Variants in EYA4 observed in about 807,000 individuals in gnomAD.
EYA4 encodes the protein EYA transcriptional coactivator and phosphatase 4.
Under a neutral mutation model 87.9 loss-of-function variants are expected in EYA4, and 31 were observed. That is an observed-to-expected ratio of 0.35 (90% confidence interval 0.27 to 0.48). The LOEUF is 0.48. Ranked by LOEUF, EYA4 falls within the 20% of genes least tolerant of loss-of-function variation. EYA4 has a pLI of 0.99. For synonymous variants in EYA4, 263 were observed against 270.6 expected, an observed-to-expected ratio of 0.97 and a Z score of 0.28; for missense variants, 678 against 761.4, an observed-to-expected ratio of 0.89 and a Z score of 1.29.
chr6:133,481,672 G>A (rs1227767415), intron 12 of EYA4, 73 bp downstream of exon 12: 1 of 1,507,010 alleles, frequency 6.6e-7, no homozygotes, highest in Non-Finnish European at 9.2e-7. Flanking sequence ...CTATCTTACA[G>A]TTCCATTATG....
intron 2 of EYA4, among the ~76,000 whole-genome samples, chr6:133,289,360 G>A (rs763688725): frequency 6.6e-6 from 1 of 152,150 alleles, no homozygotes; most frequent in African/African-American, 2.4e-5. Context: ...GGCTTAAGTA[G>A]TATAAAGAAG....
intron 3 of EYA4, among the ~76,000 whole-genome samples, chr6:133,395,576 A>G (rs773468432): frequency 5.9e-5 from 9 of 152,198 alleles, no homozygotes; most frequent in African/African-American, 9.7e-5. Flanking sequence ...CCTGGCCAAC[A>G]TGGTGAAACC....
intron 11 of EYA4, among the ~76,000 whole-genome samples, chr6:133,476,855 C>A (rs918857486): frequency 6.6e-6 from 1 of 151,978 alleles, no homozygotes; most frequent in African/African-American, 2.4e-5. Flanking sequence ...TTGGTGGTGT[C>A]CCCATCCAAA....
At chr6:133,516,479 G>A (rs557318634) in intron 17 of EYA4, among the ~76,000 whole-genome samples, 3 of 151,858 alleles carry the variant, frequency 2.0e-5, no homozygotes, top group East Asian at 1.9e-4. Context: ...TTGGGAGGCC[G>A]AGGCAGGTGG....
intron 10 of EYA4, 102 bp from the exon 11 acceptor site, chr6:133,468,464 G>A: frequency 2.1e-6 from 2 of 943,426 alleles, no homozygotes; most frequent in South Asian, 1.3e-5. Flanking sequence ...AACAAATGGG[G>A]CTGAGTACTA....
chr6:133,388,332 G>A (rs1216180460), intron 3 of EYA4, among the ~76,000 whole-genome samples: 1 of 151,716 alleles, frequency 6.6e-6, no homozygotes, highest in African/African-American at 2.4e-5. Flanking sequence ...GCTTGAACCT[G>A]GGGGGCGGAG....
At chr6:133,276,142 C>G (rs1777146024) in intron 2 of EYA4, among the ~76,000 whole-genome samples, 1 of 152,164 alleles carries the variant, frequency 6.6e-6, no homozygotes, top group Non-Finnish European at 1.5e-5. Flanking sequence ...TTGACAACAT[C>G]TTAGTGGTGA....
chr6:133,460,669 T>G (rs1031921240), intron 6 of EYA4, among the ~76,000 whole-genome samples: 1 of 152,092 alleles, frequency 6.6e-6, no homozygotes, highest in African/African-American at 2.4e-5. Context: ...GTTTGGAACA[T>G]CACAGTCTTA....
chr6:133,439,381 C>T (rs1401156576), intron 3 of EYA4: 1 of 152,186 alleles, frequency 6.6e-6, no homozygotes, highest in African/African-American at 2.4e-5. Context: ...CACCATTTCA[C>T]TCATTCATTT....
At chr6:133,428,635 C>T (rs1790886634) in intron 3 of EYA4, among the ~76,000 whole-genome samples, 1 of 152,166 alleles carries the variant, frequency 6.6e-6, no homozygotes, top group Non-Finnish European at 1.5e-5. Flanking sequence ...CCATCCACGG[C>T]TGTGAATTTG....
At chr6:133,371,442 G>A (rs1046699218) in intron 2 of EYA4, among the ~76,000 whole-genome samples, 3 of 152,020 alleles carry the variant, frequency 2.0e-5, no homozygotes, top group African/African-American at 4.8e-5. Flanking sequence ...ACCTTATTTT[G>A]CGTTTTGTTT....
intron 17 of EYA4, among the ~76,000 whole-genome samples, chr6:133,519,480 A>G (rs1212037666): frequency 6.6e-6 from 1 of 151,204 alleles, no homozygotes; most frequent in Non-Finnish European, 1.5e-5. Flanking sequence ...CAATAACAGG[A>G]TCTGAAATTG....
intron 2 of EYA4, among the ~76,000 whole-genome samples, chr6:133,357,359 A>T (rs1042214686): frequency 1.3e-5 from 2 of 152,018 alleles, no homozygotes; most frequent in Non-Finnish European, 2.9e-5. Flanking sequence ...TTTCCTAGCA[A>T]AGAAAAGGGG....
chr6:133,461,224 T>TA, intron 7 of EYA4, 44 bp downstream of exon 7: 2 of 1,264,548 alleles, frequency 1.6e-6, no homozygotes, highest in Non-Finnish European at 2.3e-6. Context: ...CAAACATTTA[T>TA]GTCTATACAT....
chr6:133,283,255 C>T (rs1777771411), intron 2 of EYA4, among the ~76,000 whole-genome samples: 1 of 151,928 alleles, frequency 6.6e-6, no homozygotes, highest in Admixed American at 6.6e-5. Context: ...GATTGTGCCA[C>T]TGTGCTCCAC....
chr6:133,518,887 T>C (rs909988769), intron 17 of EYA4, among the ~76,000 whole-genome samples: 1 of 151,820 alleles, frequency 6.6e-6, no homozygotes, highest in Admixed American at 6.6e-5. Flanking sequence ...AACCTGCTCC[T>C]GAATGACTAC....
chr6:133,307,308 A>G (rs1179501053), intron 2 of EYA4, among the ~76,000 whole-genome samples: 3 of 152,168 alleles, frequency 2.0e-5, no homozygotes, highest in Admixed American at 6.5e-5. Context: ...ACATTATTGC[A>G]TTTAGATTTC....
At chr6:133,248,849 G>A (rs1158427534) in intron 1 of EYA4, 1 of 149,584 alleles carries the variant, frequency 6.7e-6, no homozygotes, top group East Asian at 2.0e-4. Context: ...TGTCAAGAAC[G>A]GCAATTCTAC....
intron 5 of EYA4, among the ~76,000 whole-genome samples, chr6:133,454,817 G>A (rs1438320636): frequency 6.6e-6 from 1 of 152,012 alleles, no homozygotes; most frequent in Admixed American, 6.6e-5. Context: ...CTATCTAGGA[G>A]ATAATTGCAT....
Sources: gnomAD v4.1 joint callset for allele counts (sites outside exome capture counted in the v4.1 genomes callset) on GRCh38, gnomAD v4.1.1 for gene constraint, MANE v1.5 for transcripts, NCBI Gene and HGNC (gene_info 2026-07-23, HGNC 2026-07-21) for gene names.